The following CCDC150 variants were observed in gnomAD, a reference collection of about 807,000 sequenced individuals.
CCDC150 encodes the protein coiled-coil domain-containing protein 150.
A neutral mutation model predicts 156.5 loss-of-function variants in CCDC150; 151 were observed. That is an observed-to-expected ratio of 0.97 (90% CI 0.85 to 1.10). CCDC150 has a LOEUF of 1.10. Among genes scored for constraint, CCDC150 ranks in the 50% least tolerant of loss-of-function variants. The pLI, the probability that CCDC150 is intolerant of heterozygous loss-of-function variation, is 0.00. For synonymous variants in CCDC150, 452 were observed against 429.4 expected (o/e 1.05, Z -0.65); for missense variants, 1,312 against 1,268.1 (o/e 1.03, Z -0.53).
chr2:196,696,407 T>G (rs1420752234), intron 14 of CCDC150, among the ~76,000 whole-genome samples: 1 of 152,214 alleles, frequency 6.6e-6, no homozygotes, highest in South Asian at 2.1e-4. Context: ...TTCAGCCATG[T>G]CCTTTGCTGG....
chr2:196,719,411 G>T, intron 18 of CCDC150, 86 bp from the exon 19 acceptor site: 2 of 1,079,580 alleles, frequency 1.9e-6, no homozygotes, highest in Non-Finnish European at 2.6e-6. Flanking sequence ...TGCTTTCCAT[G>T]CTCTTTCCTG....
chr2:196,666,656 T>C, intron 6 of CCDC150, 63 bp from the exon 7 acceptor site: 1 of 1,412,062 alleles, frequency 7.1e-7, no homozygotes, highest in Non-Finnish European at 9.6e-7. Flanking sequence ...ATACATGTGC[T>C]ATAAGGCAGC....
At chr2:196,662,768 AAAAAAAG>A (rs777237647) in intron 5 of CCDC150, among the ~76,000 whole-genome samples, 1 of 152,122 alleles carries the variant, frequency 6.6e-6, no homozygotes, top group East Asian at 1.9e-4. Context: ...ATTTCTGGAA[AAAAAAAG>A]AAAAAAGAAA....
In CCDC150 at chr2:196,674,215, A is replaced by G. The variant is rs765174789; in HGVS notation, c.1030-26A>G. The G allele has an allele frequency of 1.5e-5, 20 of 1,355,734 alleles. No individual in the cohort carries two copies. The Admixed American group carries it at 2.5e-4, about 17-fold the overall frequency. 84.0% of individuals were successfully genotyped at this position (1,355,734 alleles called of 1,614,324 possible). A position where few individuals can be genotyped will look rare whatever the true frequency, so the allele number is the denominator to read the frequency against. ...AAATAATTCTTTATTGGAGAGACCAATGACTTGCTGTGTGTGTTTTCTTAG... is the reference window on the plus strand; with the variant it reads ...AAATAATTCTTTATTGGAGAGACCAGTGACTTGCTGTGTGTGTTTTCTTAG... On this transcript the variant is annotated intron_variant, in intron 9 of 27. Transcript: ENST00000389175.
intron 2 of CCDC150, among the ~76,000 whole-genome samples, chr2:196,649,472 C>T (rs1050914579): frequency 4.6e-5 from 7 of 152,084 alleles, no homozygotes; most frequent in Non-Finnish European, 8.8e-5. Flanking sequence ...TTACAGTTGC[C>T]CGCAGTATGC....
At chr2:196,649,251 C>A (rs1430845013) in intron 2 of CCDC150, among the ~76,000 whole-genome samples, 1 of 152,088 alleles carries the variant, frequency 6.6e-6, no homozygotes, top group Non-Finnish European at 1.5e-5. Flanking sequence ...AGTATTAATT[C>A]TTCTAATCCA....
chr2:196,729,141 C>T, intron 22 of CCDC150, 52 bp from the exon 23 acceptor site: 1 of 1,457,098 alleles, frequency 6.9e-7, no homozygotes, highest in Non-Finnish European at 9.3e-7. Flanking sequence ...ACTAAGTAAG[C>T]TTCTCTTAAT....
Position 196,732,655 on chromosome 2 carries a change from A to G in CCDC150, c.*93A>G. 1.2e-6 allele frequency: 1 copy of G among 815,836 alleles called. No homozygotes were observed. The highest frequency in any genetic ancestry group is 1.5e-5 in the South Asian group (1 of 68,106). The allele number at this position is 815,836 out of a possible 1,614,324, so 50.5% of individuals were successfully genotyped here. On this transcript the variant is annotated 3_prime_UTR_variant, in exon 28 of 28. Coordinates refer to ENST00000389175, the MANE Select transcript of CCDC150 (RefSeq NM_001080539.2). ...GCTGGCCTGTTTCTAGAGTCATAAGAACATGAAGTCTTTGATGTGGGCTGA... is the reference window on the plus strand; with the variant it reads ...GCTGGCCTGTTTCTAGAGTCATAAGGACATGAAGTCTTTGATGTGGGCTGA...
chr2:196,726,219 C>A, intron 22 of CCDC150, 120 bp downstream of exon 22: 1 of 1,149,490 alleles, frequency 8.7e-7, no homozygotes, highest in Non-Finnish European at 1.2e-6. Context: ...GATCAGCAGG[C>A]CAGATGTAAT....
chr2:196,725,176 A>T (rs1698140398), intron 21 of CCDC150, among the ~76,000 whole-genome samples: 2 of 152,204 alleles, frequency 1.3e-5, no homozygotes, highest in Non-Finnish European at 2.9e-5. Flanking sequence ...AGGTGATTTC[A>T]TGGCAGGGCA....
At chr2:196,651,347 T>A (rs1030943897) in intron 2 of CCDC150, among the ~76,000 whole-genome samples, 2 of 152,222 alleles carry the variant, frequency 1.3e-5, no homozygotes, top group Non-Finnish European at 1.5e-5. Flanking sequence ...TTAGAGTGAT[T>A]TGAATTTGAC....
chr2:196,719,103 T>C (rs1697719229), intron 18 of CCDC150, among the ~76,000 whole-genome samples: 1 of 152,212 alleles, frequency 6.6e-6, no homozygotes, highest in South Asian at 2.1e-4. Context: ...TTCCACTTTC[T>C]CTTACAGTCT....
chr2:196,714,917 T>C (rs1201233066), intron 17 of CCDC150, among the ~76,000 whole-genome samples: 1 of 152,208 alleles, frequency 6.6e-6, no homozygotes, highest in Non-Finnish European at 1.5e-5. Context: ...AGTTGCCGTC[T>C]TTTGCACTTT....
intron 13 of CCDC150, among the ~76,000 whole-genome samples, chr2:196,684,373 T>C (rs991831385): frequency 1.6e-4 from 24 of 152,266 alleles, no homozygotes; most frequent in Middle Eastern, 3.4e-3. Context: ...AATATTCTTT[T>C]ATTGATTTCT....
At chr2:196,731,908 T>C (rs1698540666) in intron 26 of CCDC150, 125 bp from the exon 27 acceptor site, 3 of 781,580 alleles carry the variant, frequency 3.8e-6, no homozygotes. Context: ...GCAAATAGGT[T>C]GTGAAGAACA....
chr2:196,641,055 TG>T (rs999524100), intron 1 of CCDC150, among the ~76,000 whole-genome samples: 5 of 152,278 alleles, frequency 3.3e-5, no homozygotes, highest in African/African-American at 1.2e-4. Context: ...CTCCGCCTCC[TG>T]GGTTCACACC....
At chr2:196,674,026 A>G (rs1694355334) in intron 9 of CCDC150, among the ~76,000 whole-genome samples, 1 of 152,144 alleles carries the variant, frequency 6.6e-6, no homozygotes, top group Non-Finnish European at 1.5e-5. Context: ...TGCTCTACCA[A>G]ATCAACAAAT....
chr2:196,672,477 A>C, intron 9 of CCDC150, 40 bp downstream of exon 9: 1 of 1,110,338 alleles, frequency 9.0e-7, no homozygotes. Flanking sequence ...GATGTTATTT[A>C]ATTTTGTTCA....
At chr2:196,698,839 C>A (rs561700971) in intron 14 of CCDC150, among the ~76,000 whole-genome samples, 4 of 152,288 alleles carry the variant, frequency 2.6e-5, no homozygotes, top group Admixed American at 6.5e-5. Context: ...ATCCCTCCCC[C>A]CTCTCCCCAC....
Sources: gnomAD v4.1 joint callset for allele counts (sites outside exome capture counted in the v4.1 genomes callset) on GRCh38, gnomAD v4.1.1 for gene constraint, MANE v1.5 for transcripts, NCBI Gene and HGNC (gene_info 2026-07-23, HGNC 2026-07-21) for gene names.